PPP2R3C: variants seen among roughly 807,000 people sequenced by gnomAD.
PPP2R3C encodes serine/threonine-protein phosphatase 2A regulatory subunit B'' subunit gamma.
A neutral mutation model predicts 63.7 loss-of-function variants in PPP2R3C; 47 were observed. The observed-to-expected ratio is 0.74, with a 90% CI of 0.58 to 0.94. The LOEUF is 0.94. Ranked by LOEUF, PPP2R3C falls within the 40% of genes least tolerant of loss-of-function variation. The pLI is 0.00. For missense variants in PPP2R3C, 421 were observed against 518.4 expected (o/e 0.81, Z 1.82); for synonymous variants, 180 against 177.4 (o/e 1.01, Z -0.12).
At chr14:35,106,936 G>A (rs74348931) in intron 6 of PPP2R3C, among the ~76,000 whole-genome samples, 2 of 152,080 alleles carry the variant, frequency 1.3e-5, no homozygotes, top group East Asian at 3.8e-4. Flanking sequence ...CAAAGTGCTG[G>A]GATTACAGGT....
chr14:35,088,678 A>G (rs2045688719), intron 11 of PPP2R3C, among the ~76,000 whole-genome samples: 1 of 152,186 alleles, frequency 6.6e-6, no homozygotes, highest in Non-Finnish European at 1.5e-5. Flanking sequence ...TTTGAAGTAG[A>G]TAAGAATCTG....
At chr14:35,089,915 C>T (rs1490703632) in intron 11 of PPP2R3C, among the ~76,000 whole-genome samples, 10 of 152,066 alleles carry the variant, frequency 6.6e-5, no homozygotes, top group Non-Finnish European at 1.5e-4. Context: ...TCCGCCCACC[C>T]TGGCCTCCCA....
chr14:35,099,546 ATTT>A, intron 6 of PPP2R3C, 162 bp from the exon 7 acceptor site: 1 of 780,860 alleles, frequency 1.3e-6, no homozygotes. Context: ...TTTGTTTCTA[ATTT>A]GTTTTAGCAT....
At chr14:35,120,945 C>CG (rs749433734) in intron 1 of PPP2R3C, among the ~76,000 whole-genome samples, 38 of 149,300 alleles carry the variant, frequency 2.5e-4, no homozygotes, top group South Asian at 1.3e-3. Context: ...GATCCTGTAT[C>CG]GGAAAAAAAA....
intron 11 of PPP2R3C, among the ~76,000 whole-genome samples, chr14:35,090,711 A>ATTTTTTTTTTTTTTTTTTTTTTTTTTTT (rs35890780): frequency 9.1e-6 from 1 of 110,352 alleles, no homozygotes; most frequent in Non-Finnish European, 1.8e-5. Context: ...GCATCTCACA[A>ATTTTTTTTTTTTTTTTTTTTTTTTTTTT]TTTTTTTTTT....
chr14:35,085,533 G>C lies in PPP2R3C; in HGVS notation c.*57C>G. The C allele has an allele frequency of 7.0e-7, 1 of 1,438,324 alleles. No individual in the cohort carries two copies. The highest frequency in any genetic ancestry group is 2.3e-5 in the Admixed American group (1 of 43,284). The allele number at this position is 1,438,324 out of a possible 1,614,324, so 89.1% of individuals were successfully genotyped here. ...CATTTCTGAGGATTTTGCTTTAAAG[G>C]CTTTACATGCAGCATTCAAGTATCT... is the stretch of plus-strand genomic sequence containing the variant. On this transcript the variant is annotated 3_prime_UTR_variant, in exon 13 of 13. Coordinates refer to ENST00000261475, the MANE Select transcript of PPP2R3C (RefSeq NM_017917.4).
intron 1 of PPP2R3C, 70 bp downstream of exon 1, chr14:35,121,832 C>T: frequency 6.4e-7 from 1 of 1,551,650 alleles, no homozygotes; most frequent in Non-Finnish European, 8.8e-7. Flanking sequence ...GCTCCTCCTC[C>T]CCACCTCCCC....
At chr14:35,107,632 A>C (rs1455066782) in intron 5 of PPP2R3C, 2 of 455,656 alleles carry the variant, frequency 4.4e-6, no homozygotes, top group Non-Finnish European at 7.9e-6. Flanking sequence ...AAACAGGGAC[A>C]GCTAGTATAA....
intron 11 of PPP2R3C, among the ~76,000 whole-genome samples, chr14:35,089,129 G>T (rs1440419157): frequency 6.6e-6 from 1 of 151,880 alleles, no homozygotes; most frequent in African/African-American, 2.4e-5. Context: ...TTAGAGATAG[G>T]GTCTTACTCT....
At chr14:35,099,058 A>G (rs1023964364) in intron 7 of PPP2R3C, 194 bp downstream of exon 7, 2 of 662,130 alleles carry the variant, frequency 3.0e-6, no homozygotes, top group African/African-American at 1.9e-5. Context: ...AGTAAATCAT[A>G]AAAGATCTTC....
intron 7 of PPP2R3C, among the ~76,000 whole-genome samples, chr14:35,097,957 G>A (rs2046052650): frequency 6.6e-6 from 1 of 152,086 alleles, no homozygotes; most frequent in South Asian, 2.1e-4. Context: ...ACCTAGCAAA[G>A]TCTCAGTTGC....
chr14:35,114,645 T>C (rs1486525836), intron 2 of PPP2R3C, among the ~76,000 whole-genome samples: 3 of 151,920 alleles, frequency 2.0e-5, no homozygotes, highest in Admixed American at 6.6e-5. Flanking sequence ...TTTATTTTTA[T>C]TTTTTTTAAA....
intron 2 of PPP2R3C, 81 bp downstream of exon 2, chr14:35,116,520 GTTGGGATTA>G (rs1465571625): frequency 2.5e-5 from 26 of 1,038,248 alleles, no homozygotes; most frequent in Non-Finnish European, 3.4e-5. Flanking sequence ...CTCCCAAAGT[GTTGGGATTA>G]CAGGTATGAG....
At chr14:35,090,844 T>C (rs969307303) in intron 11 of PPP2R3C, among the ~76,000 whole-genome samples, 2 of 150,586 alleles carry the variant, frequency 1.3e-5, no homozygotes, top group Admixed American at 1.3e-4. Flanking sequence ...GCCTCCCAAA[T>C]AGCTGGTACT....
In PPP2R3C at chr14:35,099,401, A is replaced by G. The variant is rs1444955717; in HGVS notation, c.574-17T>C. ...TTCTAAATCCTGAAAATAAAACAAA[A>G]TAAAGTGTTAAATGTCCAGTCTTGA... On this transcript the variant is annotated splice_polypyrimidine_tract_variant and intron_variant, in intron 6 of 12. Coordinates refer to ENST00000261475, the MANE Select transcript of PPP2R3C (RefSeq NM_017917.4). 6.3e-7 allele frequency: 1 copy of G among 1,586,832 alleles called. No homozygotes were observed. The highest frequency in any genetic ancestry group is 8.5e-7 in the Non-Finnish European group (1 of 1,173,816).
At chr14:35,104,422 C>A (rs146347006) in intron 6 of PPP2R3C, among the ~76,000 whole-genome samples, 1 of 152,174 alleles carries the variant, frequency 6.6e-6, no homozygotes, top group African/African-American at 2.4e-5. Flanking sequence ...TTTCTTTAAC[C>A]CTTATATCTG....
At chr14:35,088,699 C>T (rs958090091) in intron 11 of PPP2R3C, among the ~76,000 whole-genome samples, 1 of 152,152 alleles carries the variant, frequency 6.6e-6, no homozygotes, top group Non-Finnish European at 1.5e-5. Flanking sequence ...AGTACATGCT[C>T]TGTTAATATA....
intron 6 of PPP2R3C, chr14:35,100,098 G>A (rs183243438): frequency 2.6e-5 from 4 of 151,988 alleles, no homozygotes; most frequent in East Asian, 1.9e-4. Flanking sequence ...TTGTCATTCC[G>A]TAATATATTT....
chr14:35,092,382 A>C (rs1014387741), intron 10 of PPP2R3C, among the ~76,000 whole-genome samples: 2 of 152,018 alleles, frequency 1.3e-5, no homozygotes, highest in African/African-American at 4.8e-5. Context: ...AAACTTTTGA[A>C]ACAGATGACT....
Sources: allele counts gnomAD v4.1 joint callset (sites outside exome capture counted in the v4.1 genomes callset), GRCh38; gene constraint gnomAD v4.1.1; transcripts MANE v1.5; gene names NCBI Gene and HGNC (gene_info 2026-07-23, HGNC 2026-07-21).